The following ASAP3 variants were observed in gnomAD, a reference collection of about 807,000 sequenced individuals.
ASAP3 encodes ArfGAP with SH3 domain, ankyrin repeat and PH domain 3, also known as arf-GAP with SH3 domain, ANK repeat and PH domain-containing protein 3.
ASAP3 carries 85 observed loss-of-function variants against 118.2 expected under a neutral mutation model. That is an observed-to-expected ratio of 0.72 (90% CI 0.60 to 0.86). The LOEUF (loss-of-function observed/expected upper bound fraction) is 0.86, where lower values mean the gene tolerates loss of function less well. Among genes scored for constraint, ASAP3 ranks in the 40% least tolerant of loss-of-function variants. The pLI is 0.00. For missense variants in ASAP3, 1,026 were observed against 1,175.0 expected, an observed-to-expected ratio of 0.87 and a Z score of 1.85; for synonymous variants, 432 against 477.4, an observed-to-expected ratio of 0.90 and a Z score of 1.24.
chr1:23,452,142 T>C (rs981303591), intron 4 of ASAP3, among the ~76,000 whole-genome samples: 4 of 152,064 alleles, frequency 2.6e-5, no homozygotes, highest in African/African-American at 9.7e-5. Flanking sequence ...GTCTGGTTTG[T>C]GTGGTTAGCA....
At position 23,436,697 on chromosome 1, in the gene ASAP3, G is replaced by A; in HGVS notation, c.1477-43C>T. The A allele has an allele frequency of 6.2e-7, 1 of 1,611,614 alleles. No individual in the cohort carries two copies. The highest frequency in any genetic ancestry group is 8.5e-7 in the Non-Finnish European group (1 of 1,177,770). Reference sequence around the variant, plus strand: ...TAGACGTGGGGCGGAGTAAGACCGGGCGGTTAAGCCTGCATAGGGTGGAGC... The same window carrying A: ...TAGACGTGGGGCGGAGTAAGACCGGACGGTTAAGCCTGCATAGGGTGGAGC... On this transcript the variant is annotated intron_variant, in intron 15 of 24. Coordinates refer to ENST00000336689, the MANE Select transcript of ASAP3 (RefSeq NM_017707.4). This position sits in a 1 kb window ranked among gnomAD's most constrained non-coding sequence, Gnocchi z 4.2.
At chr1:23,450,960 C>T (rs989396571) in intron 5 of ASAP3, among the ~76,000 whole-genome samples, 11 of 152,106 alleles carry the variant, frequency 7.2e-5, no homozygotes, top group Admixed American at 2.0e-4. Context: ...TCTGGAGTAT[C>T]GTGTGGTGTG....
At chr1:23,444,709 A>G (rs569114022) in intron 5 of ASAP3, among the ~76,000 whole-genome samples, 5 of 152,224 alleles carry the variant, frequency 3.3e-5, no homozygotes, top group African/African-American at 1.2e-4. Context: ...TCTGACTCTA[A>G]AGTTCTGGGC....
rs1641383003 is a variant in ASAP3, at chr1:23,456,268, T to C, written c.130-74A>G. 5.6e-6 allele frequency: 8 copies of C among 1,429,354 alleles called. No homozygotes were observed. The East Asian group carries it at 1.9e-4, about 34-fold the overall frequency. 88.5% of individuals were successfully genotyped at this position (1,429,354 alleles called of 1,614,324 possible). On this transcript the variant is annotated intron_variant, in intron 1 of 24. Transcript: ENST00000336689. ...GTGCTTCCTTCAGGAACGCTGTATCTATGATTTCCACCCCCCAACCGCCCT... is the reference window on the plus strand; with the variant it reads ...GTGCTTCCTTCAGGAACGCTGTATCCATGATTTCCACCCCCCAACCGCCCT...
intron 1 of ASAP3, among the ~76,000 whole-genome samples, chr1:23,478,876 A>G (rs1642218364): frequency 6.6e-6 from 1 of 152,210 alleles, no homozygotes. Context: ...ACAGAACAGG[A>G]TGGACACAGC....
rs544166295 is a variant in ASAP3, at chr1:23,483,741, C to A, written c.129+264G>T. ...ACACATATGTGATGAGGCGGTCACG[C>A]GGGGCACTTGGGGTACGTCCCCCGA... On this transcript the variant is annotated intron_variant, in intron 1 of 24. Coordinates refer to ENST00000336689, the MANE Select transcript of ASAP3 (RefSeq NM_017707.4). Among the ~76,000 whole-genome samples, 7 of 152,312 alleles carry A rather than the reference C, an allele frequency of 4.6e-5. No individual in the cohort carries two copies. The East Asian group carries it at 1.2e-3, about 25-fold the overall frequency.
At chr1:23,483,920 A>T (rs1642398764) in intron 1 of ASAP3, 85 bp downstream of exon 1, 1 of 1,208,368 alleles carries the variant, frequency 8.3e-7, no homozygotes, top group African/African-American at 1.6e-5. Context: ...GTGAAGGGCC[A>T]TCGCAGCTCG....
At chr1:23,443,435 A>G (rs1640942086) in intron 5 of ASAP3, among the ~76,000 whole-genome samples, 1 of 152,166 alleles carries the variant, frequency 6.6e-6, no homozygotes, top group South Asian at 2.1e-4. Context: ...CCCTACTTAT[A>G]AGGGAGAAAG....
intron 10 of ASAP3, among the ~76,000 whole-genome samples, chr1:23,440,109 C>T (rs1640808809): frequency 6.6e-6 from 1 of 150,548 alleles, no homozygotes; most frequent in Non-Finnish European, 1.5e-5. Flanking sequence ...AGCCACTGCA[C>T]CTGGCCCACA....
intron 8 of ASAP3, 40 bp downstream of exon 8, chr1:23,441,614 AG>A: frequency 6.2e-7 from 1 of 1,610,972 alleles, no homozygotes; most frequent in Non-Finnish European, 8.5e-7. Context: ...CTGGAAGGAC[AG>A]GGGGCTTGAT....
intron 3 of ASAP3, among the ~76,000 whole-genome samples, chr1:23,453,626 G>C (rs1481540824): frequency 6.6e-6 from 1 of 152,126 alleles, no homozygotes; most frequent in Non-Finnish European, 1.5e-5. Context: ...TTGGGTTTCT[G>C]TGATTTCGCA....
chr1:23,449,356 G>C (rs1641143106), intron 5 of ASAP3, among the ~76,000 whole-genome samples: 1 of 152,172 alleles, frequency 6.6e-6, no homozygotes, highest in Admixed American at 6.5e-5. Context: ...CCTGTACATG[G>C]AACTGCCTAG....
intron 5 of ASAP3, among the ~76,000 whole-genome samples, chr1:23,449,869 G>T (rs992175000): frequency 6.6e-6 from 1 of 152,206 alleles, no homozygotes; most frequent in African/African-American, 2.4e-5. Context: ...CAGCAGAGTA[G>T]AGCTTATTAT....
chr1:23,433,529 C>T lies in ASAP3; in HGVS notation c.2023G>A (p.Glu675Lys), dbSNP rs1640523580. The T allele has an allele frequency of 1.2e-6, 2 of 1,614,076 alleles. No individual in the cohort carries two copies. Among genetic ancestry groups the T allele is most frequent in the Admixed American group, 1.7e-5 (1 of 60,006 alleles). Reference sequence around the variant, plus strand: ...GCAAAGGTCCCCGCCTGGGCCTGCTCCAGCTGCCAAAAACAAAGGCTTGGT... The same window carrying T: ...GCAAAGGTCCCCGCCTGGGCCTGCTTCAGCTGCCAAAAACAAAGGCTTGGT... ...KHHKECEELL[E>K]QAQAGTFAFP... The change falls in exon 21 of 25, where the codon GAG becomes AAG. Residue 675 changes from glutamate to lysine, a missense_variant. By Grantham distance (56) the Glu-to-Lys change is moderately conservative (BLOSUM62 1). Transcript: ENST00000336689.
chr1:23,437,366 GAT>G lies in ASAP3; in HGVS notation c.1152-48_1152-47del, dbSNP rs745823747. 6.2e-7 allele frequency: 1 copy of G among 1,610,520 alleles called. No homozygotes were observed. On this transcript the variant is annotated intron_variant, in intron 13 of 24. Transcript: ENST00000336689. The surrounding 1 kb of genome is among the most constrained non-coding windows in gnomAD (Gnocchi z 6.1). ...GGGATGGGGATGTCAAGTGGGAAGAGATAGGGCCGCCGGCCCCCACCCACAAG... is the reference window on the plus strand; with the variant it reads ...GGGATGGGGATGTCAAGTGGGAAGAGAGGGCCGCCGGCCCCCACCCACAAG...
At chr1:23,464,111 G>A (rs1386737687) in intron 1 of ASAP3, among the ~76,000 whole-genome samples, 2 of 151,400 alleles carry the variant, frequency 1.3e-5, no homozygotes, top group Non-Finnish European at 1.5e-5. Flanking sequence ...AAGGTGAGAG[G>A]ATCGCTTGAG....
chr1:23,464,672 A>T (rs1391565724), intron 1 of ASAP3, among the ~76,000 whole-genome samples: 1 of 136,472 alleles, frequency 7.3e-6, no homozygotes, highest in African/African-American at 2.6e-5. Flanking sequence ...AAAAAAAAAA[A>T]AAAAAAAAAA....
At chr1:23,474,779 C>T (rs943961719) in intron 1 of ASAP3, among the ~76,000 whole-genome samples, 4 of 151,514 alleles carry the variant, frequency 2.6e-5, no homozygotes, top group East Asian at 2.0e-4. Flanking sequence ...GACGGGGTTT[C>T]GCCATGTTGG....
chr1:23,467,837 C>T (rs760956659), intron 1 of ASAP3, among the ~76,000 whole-genome samples: 1 of 151,270 alleles, frequency 6.6e-6, no homozygotes, highest in African/African-American at 2.4e-5. Context: ...CCTGTAGTCC[C>T]GGCTACTCAG....
Sources: gnomAD v4.1 joint callset for allele counts (sites outside exome capture counted in the v4.1 genomes callset) on GRCh38, gnomAD v4.1.1 for gene constraint, Gnocchi (gnomAD v3.1) non-coding constraint, MANE v1.5 for transcripts, NCBI Gene and HGNC (gene_info 2026-07-23, HGNC 2026-07-21) for gene names.